The following SORCS3 variants were observed in gnomAD, a reference collection of about 807,000 sequenced individuals.
SORCS3 encodes the protein sortilin related VPS10 domain containing receptor 3, also known as VPS10 domain-containing receptor SorCS3.
Under a neutral mutation model 146.3 loss-of-function variants are expected in SORCS3, and 57 were observed. The observed-to-expected ratio is 0.39, with a 90% CI of 0.31 to 0.49. The LOEUF is 0.49. SORCS3 is among the 20% of genes least tolerant of loss of function. The pLI, the probability that SORCS3 is intolerant of heterozygous loss-of-function variation, is 0.92. For missense variants in SORCS3, 1,341 were observed against 1,575.5 expected (o/e 0.85, Z 2.52); for synonymous variants, 653 against 618.5 (o/e 1.06, Z -0.83).
intron 14 of SORCS3, among the ~76,000 whole-genome samples, chr10:105,189,640 C>T (rs960089604): frequency 6.6e-6 from 1 of 152,180 alleles, no homozygotes; most frequent in African/African-American, 2.4e-5. Flanking sequence ...CACACCATGA[C>T]TCTGCAAGCT....
At chr10:104,939,403 A>G (rs2019289694) in intron 3 of SORCS3, among the ~76,000 whole-genome samples, 1 of 152,178 alleles carries the variant, frequency 6.6e-6, no homozygotes, top group South Asian at 2.1e-4. Flanking sequence ...CATTTCAACT[A>G]AGCTGAAATC....
intron 2 of SORCS3, among the ~76,000 whole-genome samples, chr10:104,908,428 G>A (rs1035707588): frequency 1.3e-5 from 2 of 152,190 alleles, no homozygotes; most frequent in Non-Finnish European, 2.9e-5. Flanking sequence ...ACAGCCATAA[G>A]CATTTATGGA....
intron 9 of SORCS3, among the ~76,000 whole-genome samples, chr10:105,150,116 G>A (rs1400792422): frequency 6.6e-6 from 1 of 152,102 alleles, no homozygotes; most frequent in Non-Finnish European, 1.5e-5. Context: ...CCTTCAGAGA[G>A]TTTGCAATCT....
intron 3 of SORCS3, among the ~76,000 whole-genome samples, chr10:104,966,956 G>GTTT (rs199863178): frequency 1.0e-4 from 14 of 138,998 alleles, no homozygotes; most frequent in African/African-American, 3.6e-4. Context: ...AGCATTACAA[G>GTTT]TTTTTTTTTT....
chr10:104,917,135 C>T (rs1245113000), intron 3 of SORCS3, among the ~76,000 whole-genome samples: 1 of 152,158 alleles, frequency 6.6e-6, no homozygotes, highest in Non-Finnish European at 1.5e-5. Context: ...GACTCTCAGG[C>T]CCTAGACTGT....
At chr10:104,937,682 A>G (rs2019274052) in intron 3 of SORCS3, among the ~76,000 whole-genome samples, 2 of 152,226 alleles carry the variant, frequency 1.3e-5, no homozygotes, top group Non-Finnish European at 2.9e-5. Flanking sequence ...CACTCCAGCC[A>G]GATGCCTCAT....
At chr10:105,165,726 C>A (rs545275683) in intron 12 of SORCS3, among the ~76,000 whole-genome samples, 5 of 152,258 alleles carry the variant, frequency 3.3e-5, no homozygotes, top group African/African-American at 1.2e-4. Flanking sequence ...TAAAAAAAAT[C>A]TCCTCATAGG....
At chr10:104,916,084 TAAC>T (rs1311299853) in intron 3 of SORCS3, 152 bp downstream of exon 3, 3 of 622,870 alleles carry the variant, frequency 4.8e-6, no homozygotes, top group Non-Finnish European at 2.9e-6. Context: ...TTTGTAATTC[TAAC>T]AACAAGCTTG....
chr10:105,094,883 T>C (rs897976958), intron 6 of SORCS3, among the ~76,000 whole-genome samples: 48 of 152,284 alleles, frequency 3.2e-4, no homozygotes, highest in African/African-American at 1.1e-3. Context: ...TGGAAAAGAA[T>C]GAATGGAGAT....
chr10:105,052,135 T>G lies in SORCS3; in HGVS notation c.1028+9007T>G, dbSNP rs540168913. On this transcript the variant is annotated intron_variant, in intron 5 of 26. Transcript: ENST00000369701. ...TTATGCTGAGTACCTGTGAGTTATG[T>G]GAGGTAGGAGGCATATGTAGCTAAT... 2.0e-5 allele frequency among the ~76,000 whole-genome samples: 3 copies of G among 152,292 alleles called. No homozygotes were observed. In the South Asian group the frequency reaches 6.2e-4, roughly 32 times the overall value.
intron 1 of SORCS3, among the ~76,000 whole-genome samples, chr10:104,735,270 A>G (rs974903260): frequency 6.6e-6 from 1 of 152,056 alleles, no homozygotes; most frequent in East Asian, 1.9e-4. Flanking sequence ...CTCTCAAAAA[A>G]TTGGCTTAGA....
At chr10:104,733,129 A>G (rs1413549713) in intron 1 of SORCS3, among the ~76,000 whole-genome samples, 1 of 152,154 alleles carries the variant, frequency 6.6e-6, no homozygotes, top group Non-Finnish European at 1.5e-5. Flanking sequence ...AGAATGCTTT[A>G]TGCTGCTGAA....
At chr10:104,775,157 C>A (rs1476668453) in intron 1 of SORCS3, among the ~76,000 whole-genome samples, 1 of 152,146 alleles carries the variant, frequency 6.6e-6, no homozygotes, top group Non-Finnish European at 1.5e-5. Context: ...AGTTGGAAAC[C>A]TGAGTTTCAG....
intron 6 of SORCS3, among the ~76,000 whole-genome samples, chr10:105,096,152 G>GCA (rs1184598917): frequency 6.9e-6 from 1 of 144,886 alleles, no homozygotes; most frequent in Non-Finnish European, 1.5e-5. Flanking sequence ...AAACAAGCAG[G>GCA]CACACACACA....
At chr10:104,928,132 G>C (rs934365516) in intron 3 of SORCS3, among the ~76,000 whole-genome samples, 8 of 152,090 alleles carry the variant, frequency 5.3e-5, no homozygotes, top group Non-Finnish European at 1.0e-4. Flanking sequence ...AATAGGGTAC[G>C]ACTAGATATT....
chr10:104,642,374 TACCCCCACCCC>T (rs2015434827), intron 1 of SORCS3, among the ~76,000 whole-genome samples: 1 of 116,928 alleles, frequency 8.6e-6, no homozygotes, highest in East Asian at 2.9e-4. Context: ...GGGCTCCCCC[TACCCCCACCCC>T]ACCCCCACCC....
chr10:104,658,985 A>G (rs2015667601), intron 1 of SORCS3, among the ~76,000 whole-genome samples: 1 of 152,092 alleles, frequency 6.6e-6, no homozygotes, highest in Non-Finnish European at 1.5e-5. Context: ...AAGTTTCCTC[A>G]TCTGTTTAAT....
In SORCS3 at chr10:105,162,001, G is replaced by T. The variant is rs59080424; in HGVS notation, c.1733-2302G>T. Among the ~76,000 whole-genome samples, 1,209 of 151,974 alleles carry T rather than the reference G, an allele frequency of 8.0e-3. 22 individuals are homozygous for T. Among genetic ancestry groups the T allele is most frequent in the African/African-American group, 0.028 (1,148 of 41,450 alleles). ...TTCTTTCTGTGGAGGCCCTCCTCCC[G>T]CCCCTGCCCCTGCAGGGGCAAGTTG... On this transcript the variant is annotated intron_variant, in intron 11 of 26. Coordinates refer to ENST00000369701, the MANE Select transcript of SORCS3 (RefSeq NM_014978.3).
At chr10:105,179,730 G>C (rs1055015077) in intron 14 of SORCS3, among the ~76,000 whole-genome samples, 1 of 152,156 alleles carries the variant, frequency 6.6e-6, no homozygotes, top group Non-Finnish European at 1.5e-5. Context: ...TTCTAAATTT[G>C]AAAATGGTAT....
Sources: gnomAD v4.1 joint callset for allele counts (sites outside exome capture counted in the v4.1 genomes callset) on GRCh38, gnomAD v4.1.1 for gene constraint, MANE v1.5 for transcripts, NCBI Gene and HGNC (gene_info 2026-07-23, HGNC 2026-07-21) for gene names.